The following CRISP2 variants were observed in gnomAD, a reference collection of about 807,000 sequenced individuals.
The protein encoded by CRISP2 is cysteine-rich secretory protein 2.
A neutral mutation model predicts 31.7 loss-of-function variants in CRISP2; 29 were observed. The ratio of observed to expected loss-of-function variants is 0.92; its 90% CI spans 0.68 to 1.25. The LOEUF is 1.25. Among genes scored for constraint, CRISP2 ranks in the 50% most tolerant of loss-of-function variants. The pLI, the probability that CRISP2 is intolerant of heterozygous loss-of-function variation, is 0.00. For synonymous variants in CRISP2, 111 were observed against 101.4 expected (o/e 1.09, Z -0.57); for missense variants, 318 against 286.5 (o/e 1.11, Z -0.79).
At position 49,692,795 on chromosome 6, in the gene CRISP2, A is replaced by G. The variant is rs759511323; in HGVS notation, c.710T>C (p.Leu237Pro). Residue 237 changes from leucine to proline, a missense_variant, in exon 10 of 10, where the codon CTA becomes CCA. Physicochemically the swap from Leu to Pro is moderately conservative, Grantham distance 98. Coordinates refer to ENST00000339139, the MANE Select transcript of CRISP2 (RefSeq NM_003296.4). ...LLKEKCKATC[L>P]CENKIY ...AAATCAGTAAATTTTGTTCTCACAT[A>G]GGCAAGTAGCCTTGCACTTTTCCTT... is the stretch of plus-strand genomic sequence containing the variant. The G allele has an allele frequency of 3.5e-5, 57 of 1,613,208 alleles. No homozygotes were observed.
chr6:49,693,292 G>T (rs1040330135), intron 9 of CRISP2, among the ~76,000 whole-genome samples: 1 of 152,064 alleles, frequency 6.6e-6, no homozygotes, highest in East Asian at 1.9e-4. Flanking sequence ...CCACACAGAG[G>T]TATTTAAATT....
the CRISP2 span, among the ~76,000 whole-genome samples, chr6:49,685,673 C>T: frequency 6.6e-6 from 1 of 152,150 alleles, no homozygotes; most frequent in Non-Finnish European, 1.5e-5. Context: ...ACTTTATTGA[C>T]TGGAGTCAAA....
At chr6:49,682,595 C>CTTTCTT in the CRISP2 span, among the ~76,000 whole-genome samples, 3 of 64,508 alleles carry the variant, frequency 4.7e-5, no homozygotes, top group African/African-American at 1.6e-4. Context: ...CTTTTTCTTT[C>CTTTCTT]TTTCTTTCTT....
At chr6:49,694,190 G>T (rs529960077) in intron 9 of CRISP2, among the ~76,000 whole-genome samples, 6 of 152,146 alleles carry the variant, frequency 3.9e-5, no homozygotes, top group Non-Finnish European at 7.4e-5. Context: ...GTTACGAGAA[G>T]GGTGACATGG....
chr6:49,680,253 T>C, the CRISP2 span, among the ~76,000 whole-genome samples: 1 of 152,142 alleles, frequency 6.6e-6, no homozygotes, highest in East Asian at 1.9e-4. Flanking sequence ...TATGTGGTGT[T>C]TGGTTTTCTG....
chr6:49,701,995 A>ATAAGT (rs1766045275), intron 4 of CRISP2, among the ~76,000 whole-genome samples: 1 of 76,836 alleles, frequency 1.3e-5, no homozygotes, highest in African/African-American at 5.6e-5. Flanking sequence ...AATATAATAT[A>ATAAGT]TTATATTATA....
chr6:49,691,374 A>G (rs2127379777), downstream of CRISP2, among the ~76,000 whole-genome samples: 1 of 152,194 alleles, frequency 6.6e-6, no homozygotes, highest in East Asian at 1.9e-4. Context: ...TTGTCAAAAA[A>G]TCAATTTCCA....
intron 2 of CRISP2, among the ~76,000 whole-genome samples, chr6:49,712,269 A>G (rs139753867): frequency 3.9e-4 from 59 of 152,308 alleles, no homozygotes; most frequent in Non-Finnish European, 6.3e-4. Flanking sequence ...CCAGAATTCT[A>G]TAATAGGCCA....
chr6:49,682,635 CTTTCTTTCTT>C, the CRISP2 span, among the ~76,000 whole-genome samples: 39 of 73,440 alleles, frequency 5.3e-4, no homozygotes, highest in African/African-American at 2.7e-3. Flanking sequence ...TTCTTTCTTT[CTTTCTTTCTT>C]CTTTCTTTCT....
At chr6:49,690,276 A>C (rs1347567941), downstream of CRISP2, among the ~76,000 whole-genome samples, 7 of 152,108 alleles carry the variant, frequency 4.6e-5, no homozygotes, top group African/African-American at 1.7e-4. Flanking sequence ...AAATAGTCAC[A>C]GGTTTCTCCT....
At chr6:49,681,410 ATTTTTCAACTAGATTAAGCAT>A in the CRISP2 span, among the ~76,000 whole-genome samples, 1 of 151,756 alleles carries the variant, frequency 6.6e-6, no homozygotes, top group South Asian at 2.1e-4. Context: ...CCCTGTAGTA[ATTTTTCAACTAGATTAAGCAT>A]TTTTTCAACT....
At chr6:49,684,978 C>T in the CRISP2 span, among the ~76,000 whole-genome samples, 1 of 152,158 alleles carries the variant, frequency 6.6e-6, no homozygotes, top group Non-Finnish European at 1.5e-5. Flanking sequence ...TCTACTCCAG[C>T]CTCTTTCACA....
chr6:49,705,057 G>A (rs1766787383), intron 4 of CRISP2, among the ~76,000 whole-genome samples: 1 of 152,138 alleles, frequency 6.6e-6, no homozygotes, highest in South Asian at 2.1e-4. Context: ...GTGATGGGTA[G>A]GGCTATAGAG....
chr6:49,711,116 GC>G (rs1767933158), intron 3 of CRISP2, among the ~76,000 whole-genome samples, 168 bp downstream of exon 3: 1 of 152,106 alleles, frequency 6.6e-6, no homozygotes. Flanking sequence ...CTGCATTCCA[GC>G]CTGGGTGACA....
chr6:49,708,501 A>G (rs1353138666), intron 4 of CRISP2, among the ~76,000 whole-genome samples: 1 of 152,162 alleles, frequency 6.6e-6, no homozygotes, highest in South Asian at 2.1e-4. Flanking sequence ...AGAAGGGAAG[A>G]TAATGTAAAG....
At chr6:49,700,893 G>C (rs2127405782) in intron 4 of CRISP2, 109 bp from the exon 5 acceptor site, 1 of 652,076 alleles carries the variant, frequency 1.5e-6, no homozygotes, top group East Asian at 3.0e-5. Flanking sequence ...GTGCAAAATA[G>C]TTATCATGTA....
At chr6:49,692,994 A>G in intron 9 of CRISP2, 94 bp from the exon 10 acceptor site, 1 of 1,339,388 alleles carries the variant, frequency 7.5e-7, no homozygotes, top group Non-Finnish European at 1.0e-6. Flanking sequence ...GTAGGAGGGA[A>G]CAAACAAGTT....
the CRISP2 span, among the ~76,000 whole-genome samples, chr6:49,677,257 A>C: frequency 3.3e-5 from 5 of 152,216 alleles, 1 homozygote; most frequent in South Asian, 8.3e-4. Context: ...CTTTCCATTA[A>C]GTTTTTAGAT....
chr6:49,698,404 T>C lies in CRISP2; in HGVS notation c.375A>G (p.Val125=). The C allele has an allele frequency of 6.2e-7, 1 of 1,613,494 alleles. No individual in the cohort carries two copies. The highest frequency in any genetic ancestry group is 8.5e-7 in the Non-Finnish European group (1 of 1,179,630). The part of the protein sequence containing the change: ...YDEILDFVYG[V]GPKSPNAVVG... ...CAACTGCATTGGGACTCTTTGGTCC[T>C]ACACCATAGACAAAATCTAGGATCT... The change falls in exon 7 of 10, where the codon GTA becomes GTG. Residue 125 remains valine (V), a synonymous_variant. Coordinates refer to ENST00000339139, the MANE Select transcript of CRISP2 (RefSeq NM_003296.4).
Sources: allele counts gnomAD v4.1 joint callset (sites outside exome capture counted in the v4.1 genomes callset), GRCh38; gene constraint gnomAD v4.1.1; transcripts MANE v1.5; gene names NCBI Gene and HGNC (gene_info 2026-07-23, HGNC 2026-07-21).